The following TLK1 variants were observed in gnomAD, a reference collection of about 807,000 sequenced individuals.
The protein encoded by TLK1 is tousled like kinase 1.
A neutral mutation model predicts 105.3 loss-of-function variants in TLK1; 24 were observed. The ratio of observed to expected loss-of-function variants is 0.23; its 90% CI spans 0.17 to 0.32. TLK1 has a LOEUF of 0.32. Ranked by LOEUF, TLK1 falls within the 10% of genes least tolerant of loss-of-function variation. The probability of loss-of-function intolerance (pLI) is 1.00; values close to 1 mark genes in which losing one functional copy is unlikely to be tolerated. For synonymous variants in TLK1, 321 were observed against 310.4 expected (o/e 1.03, Z -0.36); for missense variants, 558 against 910.5 (o/e 0.61, Z 4.98).
At chr2:171,032,744 G>A (rs1486821188) in intron 11 of TLK1, among the ~76,000 whole-genome samples, 1 of 152,076 alleles carries the variant, frequency 6.6e-6, no homozygotes, top group Non-Finnish European at 1.5e-5. Context: ...TTTTTGACAA[G>A]AGTACCAAGA....
chr2:171,086,987 G>C (rs893638613), intron 2 of TLK1, among the ~76,000 whole-genome samples: 2 of 152,098 alleles, frequency 1.3e-5, no homozygotes, highest in South Asian at 2.1e-4. Flanking sequence ...AACTAGCAGG[G>C]ATGTCAGTGC....
At chr2:171,170,350 G>T (rs1692703546) in intron 1 of TLK1, among the ~76,000 whole-genome samples, 1 of 152,188 alleles carries the variant, frequency 6.6e-6, no homozygotes, top group Non-Finnish European at 1.5e-5. Context: ...AATGTCAATA[G>T]ATACAACAAT....
chr2:171,049,668 T>C (rs1687139578), intron 10 of TLK1, 146 bp downstream of exon 10: 1 of 894,836 alleles, frequency 1.1e-6, no homozygotes, highest in South Asian at 1.9e-5. Context: ...GTAATACTCT[T>C]GGTTTCATAT....
chr2:171,205,376 G>A (rs567540761), intron 1 of TLK1, among the ~76,000 whole-genome samples: 52 of 151,576 alleles, frequency 3.4e-4, no homozygotes, highest in African/African-American at 1.2e-3. Context: ...GGGCTGGAGT[G>A]CAGTGGCACA....
chr2:171,158,229 C>T (rs942183156), intron 1 of TLK1, among the ~76,000 whole-genome samples: 3 of 152,138 alleles, frequency 2.0e-5, no homozygotes, highest in Non-Finnish European at 4.4e-5. Flanking sequence ...AAATATCCCC[C>T]TGTAGCTATA....
rs576032098 is a variant in TLK1, at chr2:171,170,290, G to A, written c.-5-52433C>T. The stretch of plus-strand genomic sequence containing the variant: ...TTATTACATTAAAATAGAATTCAAA[G>A]CTTAAAGGTTATTTTGATTTAATAT... On this transcript the variant is annotated intron_variant, in intron 1 of 20. Coordinates refer to the TLK1 transcript ENST00000521943. Among the ~76,000 whole-genome samples the A allele has an allele frequency of 2.0e-5, 3 of 152,236 alleles. No individual in the cohort carries two copies. In the South Asian group the frequency reaches 6.2e-4, roughly 32 times the overall value.
intron 14 of TLK1, among the ~76,000 whole-genome samples, chr2:171,009,813 C>G (rs1035836673): frequency 5.3e-5 from 8 of 152,202 alleles, no homozygotes; most frequent in African/African-American, 1.9e-4. Context: ...ACCTAGCTGT[C>G]TGGCTTCAGA....
intron 1 of TLK1, among the ~76,000 whole-genome samples, chr2:171,172,528 G>A (rs1692749415): frequency 1.3e-5 from 2 of 152,172 alleles, no homozygotes; most frequent in South Asian, 4.1e-4. Flanking sequence ...ATCTCATGTA[G>A]GATTGTAATC....
intron 12 of TLK1, among the ~76,000 whole-genome samples, chr2:171,026,053 C>CAAAGA (rs551476900): frequency 6.6e-6 from 1 of 150,820 alleles, no homozygotes; most frequent in Non-Finnish European, 1.5e-5. Flanking sequence ...TGATGAAGGT[C>CAAAGA]AAAGAAAAGA....
chr2:171,195,892 G>A lies in TLK1; in HGVS notation c.-6+35253C>T, dbSNP rs529217452. 5.9e-5 allele frequency among the ~76,000 whole-genome samples: 9 copies of A among 152,114 alleles called. No homozygotes were observed. In the East Asian group the frequency reaches 1.6e-3, roughly 26 times the overall value. On this transcript the variant is annotated intron_variant, in intron 1 of 20. Coordinates refer to the TLK1 transcript ENST00000521943. ...GGCAAAACCCCGTCTTGCAATGTTC[G>A]TGTGTGCCTGTAGTCCCAGCTACTT...
chr2:171,073,736 T>C (rs1016269733), intron 3 of TLK1, among the ~76,000 whole-genome samples: 2 of 151,998 alleles, frequency 1.3e-5, no homozygotes, highest in African/African-American at 4.8e-5. Context: ...CTTCAATATA[T>C]AGTGGTGAAT....
At chr2:171,133,581 AGAGT>A (rs1392930807) in intron 1 of TLK1, among the ~76,000 whole-genome samples, 1 of 152,194 alleles carries the variant, frequency 6.6e-6, no homozygotes, top group Non-Finnish European at 1.5e-5. Context: ...CCTGGGAGAC[AGAGT>A]GAGACCCTGT....
At chr2:171,167,602 G>A (rs1692632765) in intron 1 of TLK1, among the ~76,000 whole-genome samples, 1 of 152,042 alleles carries the variant, frequency 6.6e-6, no homozygotes, top group African/African-American at 2.4e-5. Flanking sequence ...TAATAGGCTA[G>A]ATTACACTTC....
chr2:171,080,855 G>A (rs1362553263), intron 3 of TLK1, among the ~76,000 whole-genome samples: 3 of 151,912 alleles, frequency 2.0e-5, no homozygotes, highest in Non-Finnish European at 2.9e-5. Flanking sequence ...CTACAGCCAC[G>A]TGGCACCATA....
intron 3 of TLK1, among the ~76,000 whole-genome samples, chr2:171,072,836 G>A (rs1339656918): frequency 6.6e-6 from 1 of 151,734 alleles, no homozygotes; most frequent in Non-Finnish European, 1.5e-5. Flanking sequence ...GGCTGAGGCA[G>A]GAGAATTGCT....
intron 1 of TLK1, among the ~76,000 whole-genome samples, chr2:171,207,474 G>T (rs1412879447): frequency 2.0e-5 from 3 of 152,094 alleles, no homozygotes; most frequent in Non-Finnish European, 4.4e-5. Context: ...CAAACCCATA[G>T]AATGTACAAC....
At chr2:171,057,332 A>G (rs1270884298) in intron 5 of TLK1, among the ~76,000 whole-genome samples, 2 of 152,018 alleles carry the variant, frequency 1.3e-5, no homozygotes, top group Non-Finnish European at 2.9e-5. Flanking sequence ...TCATTAAACA[A>G]CTTCCTGCAA....
chr2:171,230,627 CCCG>C (rs1693978541), intron 1 of TLK1, among the ~76,000 whole-genome samples: 1 of 152,202 alleles, frequency 6.6e-6, no homozygotes, highest in African/African-American at 2.4e-5. Context: ...GAGATTTCCT[CCCG>C]TCTCCTTGTT....
intron 1 of TLK1, among the ~76,000 whole-genome samples, chr2:171,141,385 G>A (rs1210928428): frequency 6.6e-6 from 1 of 152,138 alleles, no homozygotes; most frequent in Non-Finnish European, 1.5e-5. Context: ...ATGTTAATTG[G>A]TATCAACAGT....
Sources: allele counts gnomAD v4.1 joint callset (sites outside exome capture counted in the v4.1 genomes callset), GRCh38; gene constraint gnomAD v4.1.1; transcripts MANE v1.5; gene names NCBI Gene and HGNC (gene_info 2026-07-23, HGNC 2026-07-21).